Variants in CHN2 observed in about 807,000 individuals in gnomAD.
CHN2 encodes chimerin 2.
Under a neutral mutation model 56.3 loss-of-function variants are expected in CHN2, and 35 were observed. That is an observed-to-expected ratio of 0.62 (90% CI 0.47 to 0.82). The LOEUF (loss-of-function observed/expected upper bound fraction) is 0.82, where lower values mean the gene tolerates loss of function less well. CHN2 is among the 40% of genes least tolerant of loss of function. The probability of loss-of-function intolerance (pLI) is 0.00; values close to 1 mark genes in which losing one functional copy is unlikely to be tolerated. For missense variants in CHN2, 491 were observed against 580.5 expected (o/e 0.85, Z 1.58); for synonymous variants, 210 against 212.8 (o/e 0.99, Z 0.12).
intron 1 of CHN2, among the ~76,000 whole-genome samples, chr7:29,235,192 A>C (rs1477797139): frequency 5.3e-5 from 8 of 152,228 alleles, no homozygotes; most frequent in Admixed American, 1.3e-4. Context: ...AGCAAAAAAA[A>C]CAAACAACCC....
At chr7:29,177,372 A>G (rs1459508392) in intron 2 of CHN2, among the ~76,000 whole-genome samples, 3 of 151,750 alleles carry the variant, frequency 2.0e-5, no homozygotes, top group African/African-American at 7.3e-5. Flanking sequence ...TCCTGCCGCA[A>G]TCTCCTGAGT....
intron 1 of CHN2, among the ~76,000 whole-genome samples, chr7:29,342,602 G>A (rs1797124673): frequency 6.6e-6 from 1 of 152,158 alleles, no homozygotes. Context: ...AGAAAATGCT[G>A]GCTCTTCTAA....
chr7:29,438,278 C>T (rs1327277947), intron 6 of CHN2, among the ~76,000 whole-genome samples: 1 of 152,198 alleles, frequency 6.6e-6, no homozygotes, highest in Non-Finnish European at 1.5e-5. Context: ...TATGCAGATT[C>T]AAGAGATTCA....
At chr7:29,199,414 T>C (rs1397967707) in intron 1 of CHN2, 3 of 152,258 alleles carry the variant, frequency 2.0e-5, no homozygotes, top group Non-Finnish European at 4.4e-5. Context: ...TATTCAATTA[T>C]GTCTAAAAAA....
At position 29,446,134 on chromosome 7, in the gene CHN2, G is replaced by A. The variant is rs1328353638; in HGVS notation, c.577-34145G>A. ...TAGTAGTTTTTACAGCTGTCCAGGT[G>A]ATTTCAGTGTACACCCAAGTGTTGA... On this transcript the variant is annotated intron_variant, in intron 6 of 12. Transcript: ENST00000222792. Among the ~76,000 whole-genome samples the A allele has an allele frequency of 4.7e-4, 72 of 152,172 alleles. 2 individuals carry two copies. The highest frequency in any genetic ancestry group is 4.6e-3 in the Admixed American group (71 of 15,276).
At chr7:29,164,071 A>T (rs1352820771) in intron 2 of CHN2, among the ~76,000 whole-genome samples, 1 of 152,194 alleles carries the variant, frequency 6.6e-6, no homozygotes, top group Non-Finnish European at 1.5e-5. Flanking sequence ...TTAACTTTTC[A>T]AGCTATAAAA....
Position 29,491,524 on chromosome 7 carries a change from T to A in CHN2, c.655-4428T>A, listed in dbSNP as rs553833101. On this transcript the variant is annotated intron_variant, in intron 7 of 12. Coordinates refer to ENST00000222792, the MANE Select transcript of CHN2 (RefSeq NM_004067.4). ...CCTGGGCTCAAGCCATCCTCCCATG[T>A]CAGTCTCCTGAGTAGCTAGGACTAC... Among the ~76,000 whole-genome samples the A allele has an allele frequency of 9.9e-5, 15 of 152,264 alleles. 1 individual carries two copies. In the South Asian group the frequency reaches 2.7e-3, roughly 27 times the overall value.
intron 2 of CHN2, among the ~76,000 whole-genome samples, chr7:29,148,836 T>C (rs1247320270): frequency 1.3e-5 from 2 of 152,064 alleles, no homozygotes; most frequent in African/African-American, 2.4e-5. Context: ...AGAGCTGTAA[T>C]TGGGGCTGAT....
intron 1 of CHN2, among the ~76,000 whole-genome samples, chr7:29,240,949 A>C (rs1002289924): frequency 2.0e-5 from 3 of 151,690 alleles, no homozygotes; most frequent in Non-Finnish European, 1.5e-5. Context: ...GCGGTGAGGC[A>C]ATCTCAGCTC....
chr7:29,294,030 C>A (rs1471207491), intron 1 of CHN2, among the ~76,000 whole-genome samples: 3 of 151,988 alleles, frequency 2.0e-5, no homozygotes, highest in Admixed American at 6.6e-5. Context: ...CCACGCCCAG[C>A]TAATTTTTTG....
chr7:29,310,252 ATAAAT>A (rs1435607874), intron 1 of CHN2, among the ~76,000 whole-genome samples: 1 of 152,234 alleles, frequency 6.6e-6, no homozygotes. Flanking sequence ...GGAGATAAAA[ATAAAT>A]TATGATACAT....
chr7:29,184,603 T>C (rs1798481278), intron 2 of CHN2: 1 of 152,204 alleles, frequency 6.6e-6, no homozygotes, highest in Non-Finnish European at 1.5e-5. Context: ...AAGAGTTTTC[T>C]CTTACTCTCA....
chr7:29,290,822 G>A (rs1257782628), intron 1 of CHN2, among the ~76,000 whole-genome samples: 1 of 152,130 alleles, frequency 6.6e-6, no homozygotes, highest in African/African-American at 2.4e-5. Flanking sequence ...GGCACAGTGA[G>A]AGACCAATGC....
chr7:29,273,705 T>C (rs2128851683), intron 1 of CHN2, among the ~76,000 whole-genome samples: 1 of 152,284 alleles, frequency 6.6e-6, no homozygotes, highest in African/African-American at 2.4e-5. Flanking sequence ...TTTTCATAAA[T>C]TCTTATTATT....
chr7:29,323,530 T>C (rs1339335243), intron 1 of CHN2, among the ~76,000 whole-genome samples: 1 of 152,124 alleles, frequency 6.6e-6, no homozygotes, highest in East Asian at 1.9e-4. Context: ...GACCACAGCA[T>C]TGTAGTAAAT....
chr7:29,440,224 T>G (rs530784361), intron 6 of CHN2, among the ~76,000 whole-genome samples: 4 of 152,330 alleles, frequency 2.6e-5, no homozygotes, highest in Admixed American at 2.6e-4. Context: ...GTGGCTAAAA[T>G]GTAGTATATA....
chr7:29,482,875 G>A (rs546523238), intron 7 of CHN2, among the ~76,000 whole-genome samples: 1 of 117,946 alleles, frequency 8.5e-6, no homozygotes, highest in South Asian at 2.8e-4. Flanking sequence ...AGGTTGGAGT[G>A]CAGTGGCGCG....
chr7:29,180,328 C>T (rs1346755501), intron 2 of CHN2, among the ~76,000 whole-genome samples: 1 of 152,130 alleles, frequency 6.6e-6, no homozygotes, highest in Non-Finnish European at 1.5e-5. Context: ...CAGATTGAGA[C>T]CGTCCTGACT....
chr7:29,376,501 A>G (rs1228401791), intron 3 of CHN2: 1 of 152,248 alleles, frequency 6.6e-6, no homozygotes, highest in East Asian at 1.9e-4. Context: ...CACCTGAATT[A>G]CAAACCCTGG....
Sources: gnomAD v4.1 joint callset for allele counts (sites outside exome capture counted in the v4.1 genomes callset) on GRCh38, gnomAD v4.1.1 for gene constraint, MANE v1.5 for transcripts, NCBI Gene and HGNC (gene_info 2026-07-23, HGNC 2026-07-21) for gene names.